The following NRG4 variants were observed in gnomAD, a reference collection of about 807,000 sequenced individuals.
NRG4 encodes pro-neuregulin-4, membrane-bound isoform.
A neutral mutation model predicts 15.0 loss-of-function variants in NRG4; 10 were observed. That is an observed-to-expected ratio of 0.67 (90% CI 0.41 to 1.13). The LOEUF (loss-of-function observed/expected upper bound fraction) is 1.13, where lower values mean the gene tolerates loss of function less well. Among genes scored for constraint, NRG4 ranks in the 50% most tolerant of loss-of-function variants. The probability of loss-of-function intolerance (pLI) is 0.00; values close to 1 mark genes in which losing one functional copy is unlikely to be tolerated. For missense variants in NRG4, 139 were observed against 140.2 expected, an observed-to-expected ratio of 0.99 and a Z score of 0.04; for synonymous variants, 41 against 50.1, an observed-to-expected ratio of 0.82 and a Z score of 0.77.
Position 76,019,394 on chromosome 15 carries a change from G to A in NRG4, c.-56-8108C>T, listed in dbSNP as rs7174205. Among the ~76,000 whole-genome samples, 1,049 of 152,230 alleles carry A rather than the reference G, an allele frequency of 6.9e-3. 18 individuals are homozygous for A. The highest frequency in any genetic ancestry group is 0.023 in the African/African-American group (961 of 41,544). ...CATTGGGGTATGAAAAAAAGCTCCT[G>A]CAGCTAGCTCGGTGTCTGCCCAAAC... is the stretch of plus-strand genomic sequence containing the variant. On this transcript the variant is annotated intron_variant, in intron 5 of 8. Coordinates refer to the NRG4 transcript ENST00000563910.
chr15:75,935,839 T>C (rs1010340998), downstream of NRG4: 3 of 152,058 alleles, frequency 2.0e-5, no homozygotes, highest in Non-Finnish European at 4.4e-5. Context: ...CCAGGCCGGA[T>C]TGCAATGGCA....
At chr15:75,985,640 T>C (rs1339791121) in intron 3 of NRG4, among the ~76,000 whole-genome samples, 1 of 152,146 alleles carries the variant, frequency 6.6e-6, no homozygotes, top group Non-Finnish European at 1.5e-5. Context: ...GCCAACTAAG[T>C]TTCTAAACAC....
In NRG4 at chr15:75,942,534, T is replaced by G. The variant is rs1420800517; in HGVS notation, c.*1104A>C. ...TTATGTGAGAGCTTTTCATTTTGTG[T>G]ACTCTGTCTCAATGTCTTACCCTCA... On this transcript the variant is annotated 3_prime_UTR_variant, in exon 6 of 6. Transcript: ENST00000394907. 1 of 152,236 alleles carries G rather than the reference T, an allele frequency of 6.6e-6. No homozygotes were observed. The highest frequency in any genetic ancestry group is 1.5e-5 in the Non-Finnish European group (1 of 68,046). 9.4% of individuals were successfully genotyped at this position (152,236 alleles called of 1,614,324 possible). A position where few individuals can be genotyped will look rare whatever the true frequency, so the allele number is the denominator to read the frequency against.
intron 3 of NRG4, among the ~76,000 whole-genome samples, chr15:75,998,453 G>A (rs1300744249): frequency 1.3e-5 from 2 of 152,120 alleles, no homozygotes. Flanking sequence ...TTCAACACAG[G>A]ACAGAAAGGC....
At chr15:76,000,440 G>C (rs1452040837) in intron 3 of NRG4, among the ~76,000 whole-genome samples, 1 of 152,038 alleles carries the variant, frequency 6.6e-6, no homozygotes, top group Non-Finnish European at 1.5e-5. Context: ...ACTGAACTAT[G>C]CCCAGCTTTC....
chr15:76,004,181 T>C (rs947842472), intron 3 of NRG4, among the ~76,000 whole-genome samples: 2 of 152,236 alleles, frequency 1.3e-5, no homozygotes, highest in African/African-American at 4.8e-5. Flanking sequence ...TATATGTGAT[T>C]GAAGTTAAGC....
intron 5 of NRG4, among the ~76,000 whole-genome samples, chr15:76,034,619 T>TA (rs3073840): frequency 0.061 from 8,691 of 141,592 alleles, 311 homozygotes; most frequent in African/African-American, 0.12. Context: ...TAACCATAGC[T>TA]AAAAAAAAAA....
chr15:75,983,285 A>T (rs1461255102), intron 3 of NRG4, among the ~76,000 whole-genome samples: 1 of 152,126 alleles, frequency 6.6e-6, no homozygotes, highest in Non-Finnish European at 1.5e-5. Flanking sequence ...ATACAGAAAC[A>T]AACAAAGACA....
In NRG4 at chr15:75,954,810, T is replaced by G. The variant is rs142719593; in HGVS notation, c.331+1122A>C. Among the ~76,000 whole-genome samples the G allele has an allele frequency of 3.9e-3, 591 of 152,244 alleles. 4 individuals are homozygous for G. The highest frequency in any genetic ancestry group is 7.3e-3 in the Non-Finnish European group (497 of 68,010). The stretch of plus-strand genomic sequence containing the variant: ...TGTATTGGATGTGAAACATTATTAA[T>G]TTCACCTGTTGGGTACTAGCTATTT... On this transcript the variant is annotated intron_variant, in intron 5 of 5. Transcript: ENST00000394907.
At chr15:75,995,516 C>A (rs2034182953) in intron 3 of NRG4, among the ~76,000 whole-genome samples, 1 of 152,100 alleles carries the variant, frequency 6.6e-6, no homozygotes, top group Non-Finnish European at 1.5e-5. Flanking sequence ...CACTAGGCCC[C>A]CCCGCCCCAA....
chr15:75,967,087 C>A (rs937027239), intron 3 of NRG4, among the ~76,000 whole-genome samples: 1 of 143,082 alleles, frequency 7.0e-6, no homozygotes, highest in African/African-American at 2.7e-5. Flanking sequence ...GCACTCCAGC[C>A]TGGCAACAGA....
chr15:76,036,307 A>G (rs185770580), intron 4 of NRG4, among the ~76,000 whole-genome samples: 156 of 152,384 alleles, frequency 1.0e-3, no homozygotes, highest in African/African-American at 3.5e-3. Context: ...TAAAATGTTT[A>G]AGCAATAAAT....
At chr15:76,005,847 C>A in intron 3 of NRG4, 1 of 394,554 alleles carries the variant, frequency 2.5e-6, no homozygotes, top group Non-Finnish European at 5.0e-6. Flanking sequence ...TGGCAGGCAA[C>A]ATAACACAAA....
chr15:76,039,262 T>C (rs2141951509), intron 4 of NRG4, among the ~76,000 whole-genome samples: 1 of 152,112 alleles, frequency 6.6e-6, no homozygotes, highest in East Asian at 1.9e-4. Context: ...CCTCACCAAA[T>C]GAACTAAATA....
intron 2 of NRG4, among the ~76,000 whole-genome samples, chr15:76,056,065 G>T (rs544517232): frequency 3.3e-5 from 5 of 152,200 alleles, no homozygotes; most frequent in African/African-American, 1.2e-4. Context: ...CCATGGTATT[G>T]TATCCACACA....
At chr15:76,044,826 G>A (rs1187553334) in intron 4 of NRG4, among the ~76,000 whole-genome samples, 1 of 144,892 alleles carries the variant, frequency 6.9e-6, no homozygotes, top group African/African-American at 2.7e-5. Flanking sequence ...GGGCGACAGA[G>A]CGAGACTCTG....
Position 76,009,310 on chromosome 15 carries a change from T to C in NRG4, c.11-17A>G. On this transcript the variant is annotated splice_polypyrimidine_tract_variant and intron_variant, in intron 2 of 5. Coordinates refer to ENST00000394907, the MANE Select transcript of NRG4 (RefSeq NM_138573.4). ...CTTCGTGATCTAGAACACATACATA[T>C]ATAAAATAGAGAAAAGCAAATTAAA... 1 of 1,325,290 alleles carries C rather than the reference T, an allele frequency of 7.5e-7. No individual in the cohort carries two copies. Among genetic ancestry groups the C allele is most frequent in the Non-Finnish European group, 1.0e-6 (1 of 961,856 alleles). 82.1% of individuals were successfully genotyped at this position (1,325,290 alleles called of 1,614,324 possible).
At chr15:76,037,227 C>T (rs2035617182) in intron 4 of NRG4, among the ~76,000 whole-genome samples, 1 of 152,126 alleles carries the variant, frequency 6.6e-6, no homozygotes, top group Non-Finnish European at 1.5e-5. Flanking sequence ...AAAAAAAGCA[C>T]CTTTATAAGA....
chr15:75,975,726 T>C (rs2033336297), intron 3 of NRG4, among the ~76,000 whole-genome samples: 1 of 152,218 alleles, frequency 6.6e-6, no homozygotes, highest in South Asian at 2.1e-4. Flanking sequence ...CTGCTGTTAG[T>C]CTGATGAGCT....
Sources: allele counts gnomAD v4.1 joint callset (sites outside exome capture counted in the v4.1 genomes callset), GRCh38; gene constraint gnomAD v4.1.1; transcripts MANE v1.5; gene names NCBI Gene and HGNC (gene_info 2026-07-23, HGNC 2026-07-21).